CNTNAP3B: variants seen among roughly 807,000 people sequenced by gnomAD.
CNTNAP3B encodes the protein contactin-associated protein-like 3B.
CNTNAP3B carries 25 observed loss-of-function variants against 108.9 expected under a neutral mutation model. That is an observed-to-expected ratio of 0.23 (90% CI 0.17 to 0.32). The LOEUF (loss-of-function observed/expected upper bound fraction) is 0.32. Among genes scored for constraint, CNTNAP3B ranks in the 10% least tolerant of loss-of-function variants. The pLI, the probability that CNTNAP3B is intolerant of heterozygous loss-of-function variation, is 1.00. For synonymous variants in CNTNAP3B, 103 were observed against 473.4 expected, an observed-to-expected ratio of 0.22 and a Z score of 10.16; for missense variants, 252 against 1,210.4, an observed-to-expected ratio of 0.21 and a Z score of 11.75.
intron 17 of CNTNAP3B, among the ~76,000 whole-genome samples, chr9:41,921,011 C>T (rs1180886777): frequency 6.8e-4 from 103 of 152,286 alleles, no homozygotes; most frequent in East Asian, 2.1e-3. Flanking sequence ...ATTATGAAGG[C>T]GACAATTCTC....
At chr9:42,115,842 C>T (rs201554737) in intron 1 of CNTNAP3B, among the ~76,000 whole-genome samples, 2,120 of 121,384 alleles carry the variant, frequency 0.017, 336 homozygotes, top group Admixed American at 0.13. Flanking sequence ...TCGCCAGCAA[C>T]GGAACAAAGC....
intron 1 of CNTNAP3B, among the ~76,000 whole-genome samples, chr9:42,113,982 T>C (rs1828257512): frequency 7.7e-6 from 1 of 130,446 alleles, no homozygotes; most frequent in Non-Finnish European, 1.6e-5. Flanking sequence ...ATTCTTTCTA[T>C]GCACCTCTGA....
chr9:41,973,120 T>TC (rs1825455510), intron 9 of CNTNAP3B, among the ~76,000 whole-genome samples: 1 of 141,764 alleles, frequency 7.1e-6, no homozygotes, highest in Admixed American at 7.0e-5. Context: ...TTTTTTTGTA[T>TC]TTTTTTTCAG....
chr9:42,028,675 C>G (rs1350642250), intron 3 of CNTNAP3B, among the ~76,000 whole-genome samples: 2 of 149,682 alleles, frequency 1.3e-5, no homozygotes, highest in Non-Finnish European at 3.0e-5. Flanking sequence ...AAAATTTTCT[C>G]ATCAAATTAG....
intron 1 of CNTNAP3B, among the ~76,000 whole-genome samples, chr9:42,120,063 T>C (rs1245342271): frequency 6.6e-6 from 1 of 150,416 alleles, no homozygotes; most frequent in Admixed American, 6.6e-5. Context: ...AGGAAATTTT[T>C]GCAACCTACT....
chr9:41,922,274 G>A (rs1454699352), intron 17 of CNTNAP3B, among the ~76,000 whole-genome samples: 3 of 123,904 alleles, frequency 2.4e-5, no homozygotes, highest in Non-Finnish European at 5.2e-5. Context: ...GACCATCCTG[G>A]CCAACATGGT....
chr9:41,934,073 T>C (rs1224177976), intron 14 of CNTNAP3B, among the ~76,000 whole-genome samples: 2 of 145,120 alleles, frequency 1.4e-5, no homozygotes, highest in Non-Finnish European at 3.0e-5. Context: ...CTGTTTTGGG[T>C]GTCAATTTGC....
chr9:41,963,215 A>G (rs970840326), intron 11 of CNTNAP3B, among the ~76,000 whole-genome samples: 5 of 152,288 alleles, frequency 3.3e-5, no homozygotes, highest in Non-Finnish European at 7.3e-5. Flanking sequence ...CTCATGGAAG[A>G]GTTCTTAAAA....
At position 42,075,422 on chromosome 9, in the gene CNTNAP3B, A is replaced by G. The variant is rs535930859; in HGVS notation, c.390+1447T>C. Among the ~76,000 whole-genome samples, 35 of 138,098 alleles carry G rather than the reference A, an allele frequency of 2.5e-4. 3 individuals are homozygous for G. The East Asian group carries it at 7.3e-3, about 29-fold the overall frequency. 90.6% of individuals were successfully genotyped at this position (138,098 alleles called of 152,430 possible). On this transcript the variant is annotated intron_variant, in intron 3 of 23. Transcript: ENST00000377561. ...TGAGCGGGCACCAGGAAAGTAAATCACTTGTTCCAGTGAAGCTCAACACGC... is the reference window on the plus strand; with the variant it reads ...TGAGCGGGCACCAGGAAAGTAAATCGCTTGTTCCAGTGAAGCTCAACACGC...
At chr9:41,956,038 T>TG (rs1824846886) in intron 12 of CNTNAP3B, among the ~76,000 whole-genome samples, 1 of 152,254 alleles carries the variant, frequency 6.6e-6, no homozygotes, top group Non-Finnish European at 1.5e-5. Context: ...AATAAAGTGT[T>TG]GAATATCTCA....
chr9:42,079,536 G>T (rs140254555), intron 2 of CNTNAP3B, among the ~76,000 whole-genome samples: 40,943 of 113,864 alleles, frequency 0.36, 9,789 homozygotes, highest in East Asian at 0.65. Flanking sequence ...TTTTGTTTTT[G>T]TTTTGAGATG....
chr9:42,042,491 A>G (rs968698658), intron 3 of CNTNAP3B, among the ~76,000 whole-genome samples: 1 of 140,672 alleles, frequency 7.1e-6, no homozygotes, highest in Non-Finnish European at 1.5e-5. Flanking sequence ...AATAGTGGGG[A>G]AAAAATGGAT....
chr9:42,061,453 G>T (rs554892270), intron 3 of CNTNAP3B, among the ~76,000 whole-genome samples: 1 of 135,294 alleles, frequency 7.4e-6, no homozygotes, highest in Non-Finnish European at 1.6e-5. Context: ...GAGTAGCTGG[G>T]ACAGCAGGCG....
intron 14 of CNTNAP3B, among the ~76,000 whole-genome samples, chr9:41,935,869 A>T (rs1454141225): frequency 1.3e-5 from 2 of 152,292 alleles, no homozygotes; most frequent in African/African-American, 4.8e-5. Context: ...GCAGTCCTTG[A>T]CGGTGCTGAA....
rs912105927 is a variant in CNTNAP3B at position 42,034,189 on chromosome 9, T to C, written c.391-20664A>G. 5.9e-4 allele frequency among the ~76,000 whole-genome samples: 79 copies of C among 132,906 alleles called. 11 individuals carry two copies. The highest frequency in any genetic ancestry group is 2.5e-3 in the African/African-American group (79 of 31,912). The allele number at this position is 132,906 out of a possible 152,430, so 87.2% of individuals were successfully genotyped here. On this transcript the variant is annotated intron_variant, in intron 3 of 23. Coordinates refer to ENST00000377561, the MANE Select transcript of CNTNAP3B (RefSeq NM_001201380.3). ...CTATATGTATGTATGTATATATGTA[T>C]CTATCTATCTATCTATCTATCTATT...
intron 14 of CNTNAP3B, among the ~76,000 whole-genome samples, chr9:41,932,537 G>A (rs1257333858): frequency 4.9e-5 from 7 of 141,472 alleles, no homozygotes; most frequent in East Asian, 2.0e-4. Context: ...TTTTTTTTTC[G>A]AGACAGAGTC....
At chr9:41,934,611 A>T (rs1473214742) in intron 14 of CNTNAP3B, among the ~76,000 whole-genome samples, 3 of 152,294 alleles carry the variant, frequency 2.0e-5, no homozygotes, top group Non-Finnish European at 4.4e-5. Flanking sequence ...ATAGAGTTCA[A>T]GTTTATCCCT....
intron 3 of CNTNAP3B, among the ~76,000 whole-genome samples, chr9:42,060,723 TC>T (rs1827163042): frequency 7.6e-6 from 1 of 132,160 alleles, no homozygotes; most frequent in Non-Finnish European, 1.6e-5. Flanking sequence ...GCTCAGATTT[TC>T]TTTTTTTATG....
chr9:41,973,843 C>A (rs1169929691), intron 9 of CNTNAP3B, among the ~76,000 whole-genome samples: 1 of 131,688 alleles, frequency 7.6e-6, no homozygotes, highest in Non-Finnish European at 1.6e-5. Context: ...CTTTCTCTTT[C>A]TTTCTCTCTC....
Sources: allele counts gnomAD v4.1 joint callset (sites outside exome capture counted in the v4.1 genomes callset), GRCh38; gene constraint gnomAD v4.1.1; transcripts MANE v1.5; gene names NCBI Gene and HGNC (gene_info 2026-07-23, HGNC 2026-07-21).